TAFA4: variants seen among roughly 807,000 people sequenced by gnomAD.
TAFA4 encodes the protein chemokine-like protein TAFA-4.
In TAFA4, 20 loss-of-function variants were observed where a neutral mutation model predicts 21.1. That is an observed-to-expected ratio of 0.95 (90% CI 0.67 to 1.38). The LOEUF (loss-of-function observed/expected upper bound fraction) is 1.38, where lower values mean the gene tolerates loss of function less well. TAFA4 is among the 40% of genes most tolerant of loss of function. The probability of loss-of-function intolerance (pLI) is 0.00; values close to 1 mark genes in which losing one functional copy is unlikely to be tolerated. For missense variants in TAFA4, 211 were observed against 180.9 expected (o/e 1.17, Z -0.95); for synonymous variants, 71 against 67.4 (o/e 1.05, Z -0.26).
intron 3 of TAFA4, among the ~76,000 whole-genome samples, chr3:68,800,689 C>G (rs1703559030): frequency 6.6e-6 from 1 of 152,200 alleles, no homozygotes; most frequent in East Asian, 1.9e-4. Flanking sequence ...CAGGGACTGG[C>G]ACCAGAATGG....
chr3:68,783,701 G>GAAAA (rs1469897938), intron 3 of TAFA4, among the ~76,000 whole-genome samples: 1,388 of 95,724 alleles, frequency 0.015, 14 homozygotes, highest in East Asian at 0.061. Flanking sequence ...GAGAGAGAGA[G>GAAAA]AGAGAGAAAG....
intron 3 of TAFA4, among the ~76,000 whole-genome samples, chr3:68,828,166 T>C (rs145400072): frequency 1.4e-3 from 220 of 152,340 alleles, no homozygotes; most frequent in African/African-American, 4.8e-3. Context: ...TTGTCAGGTT[T>C]GTCAAAGATC....
chr3:68,855,585 C>T (rs1705051602), intron 3 of TAFA4, among the ~76,000 whole-genome samples: 2 of 151,810 alleles, frequency 1.3e-5, no homozygotes, highest in African/African-American at 2.4e-5. Context: ...CGTTTGATCC[C>T]TAAGACAAAC....
intron 3 of TAFA4, among the ~76,000 whole-genome samples, chr3:68,828,553 T>C (rs981805834): frequency 2.6e-5 from 4 of 152,182 alleles, no homozygotes; most frequent in African/African-American, 4.8e-5. Flanking sequence ...TTTATTTCAT[T>C]GAGCAATGGT....
chr3:68,845,714 G>C (rs1412298859), intron 3 of TAFA4, among the ~76,000 whole-genome samples: 1 of 152,178 alleles, frequency 6.6e-6, no homozygotes, highest in Non-Finnish European at 1.5e-5. Context: ...GGCTGGCCTG[G>C]TGGTGATAAA....
intron 3 of TAFA4, among the ~76,000 whole-genome samples, chr3:68,791,675 AACCAT>A (rs1264337907): frequency 3.9e-5 from 6 of 152,230 alleles, no homozygotes; most frequent in African/African-American, 1.4e-4. Flanking sequence ...CCAAGAAATA[AACCAT>A]ACTGTGCCTC....
chr3:68,813,123 C>T (rs1703879234), intron 3 of TAFA4, among the ~76,000 whole-genome samples: 1 of 151,934 alleles, frequency 6.6e-6, no homozygotes, highest in Middle Eastern at 3.2e-3. Flanking sequence ...TTCTTTGAAA[C>T]CGACGAGAAC....
chr3:68,787,256 G>T (rs1254949840), intron 3 of TAFA4, among the ~76,000 whole-genome samples: 1 of 152,140 alleles, frequency 6.6e-6, no homozygotes, highest in Non-Finnish European at 1.5e-5. Context: ...GTATTCAGCG[G>T]AGACTGAAAT....
chr3:68,916,714 C>T (rs2090007885), intron 1 of TAFA4, among the ~76,000 whole-genome samples: 1 of 152,218 alleles, frequency 6.6e-6, no homozygotes, highest in African/African-American at 2.4e-5. Flanking sequence ...ACCAGGGCCT[C>T]AGGCAGCTTC....
At chr3:68,744,534 C>G (rs776972862) in intron 4 of TAFA4, among the ~76,000 whole-genome samples, 2 of 152,126 alleles carry the variant, frequency 1.3e-5, no homozygotes, top group African/African-American at 4.8e-5. Flanking sequence ...AAATTCCCTG[C>G]AGAGAAAAAC....
intron 4 of TAFA4, among the ~76,000 whole-genome samples, chr3:68,744,204 G>C (rs1018645649): frequency 6.6e-6 from 1 of 152,168 alleles, no homozygotes; most frequent in Non-Finnish European, 1.5e-5. Flanking sequence ...TTGACAGGTG[G>C]CCAGAGGTCC....
intron 1 of TAFA4, among the ~76,000 whole-genome samples, chr3:68,905,976 G>A (rs2089896952): frequency 6.6e-6 from 1 of 152,218 alleles, no homozygotes; most frequent in African/African-American, 2.4e-5. Context: ...CTAAACCGAA[G>A]TGAAAATCCC....
chr3:68,874,618 C>CT (rs779396782), intron 3 of TAFA4, among the ~76,000 whole-genome samples: 1 of 152,092 alleles, frequency 6.6e-6, no homozygotes, highest in East Asian at 1.9e-4. Flanking sequence ...TAAGGAGAAT[C>CT]TTTTCCCAAA....
chr3:68,843,126 G>A (rs1318326308), intron 3 of TAFA4, among the ~76,000 whole-genome samples: 1 of 152,182 alleles, frequency 6.6e-6, no homozygotes, highest in Non-Finnish European at 1.5e-5. Flanking sequence ...ACTTTGGGCA[G>A]TATGGCCATT....
intron 4 of TAFA4, among the ~76,000 whole-genome samples, chr3:68,747,672 A>ATC (rs1206209320): frequency 6.6e-6 from 1 of 152,112 alleles, no homozygotes; most frequent in Non-Finnish European, 1.5e-5. Context: ...ATCCTGACTG[A>ATC]TTGTGAGCTC....
chr3:68,870,908 A>G (rs1307517542), intron 3 of TAFA4, among the ~76,000 whole-genome samples: 2 of 152,296 alleles, frequency 1.3e-5, no homozygotes, highest in Non-Finnish European at 2.9e-5. Flanking sequence ...TGCAAAGGAC[A>G]TGAACTCATT....
Position 68,732,177 on chromosome 3 carries a change from G to T in TAFA4, c.*965C>A, listed in dbSNP as rs1005320156. ...ACTCAGATTTTAAAGAAATAAGATG[G>T]CTAACACAGAAGTCACAGAAGTAGG... On this transcript the variant is annotated 3_prime_UTR_variant, in exon 6 of 6. Transcript: ENST00000295569. 1 of 152,468 alleles carries T rather than the reference G, an allele frequency of 6.6e-6. No individual in the cohort carries two copies. The highest frequency in any genetic ancestry group is 1.5e-5 in the Non-Finnish European group (1 of 68,000). 9.4% of individuals were successfully genotyped at this position (152,468 alleles called of 1,614,324 possible).
intron 3 of TAFA4, among the ~76,000 whole-genome samples, chr3:68,785,521 C>T (rs1402497573): frequency 1.3e-5 from 2 of 152,230 alleles, no homozygotes; most frequent in Non-Finnish European, 2.9e-5. Context: ...GGCCCAGGTG[C>T]TAAGCCCCTC....
rs561146201 is a variant in TAFA4, at chr3:68,771,602, G to A, written c.131-18584C>T. On this transcript the variant is annotated intron_variant, in intron 3 of 5. Transcript: ENST00000295569. ...CCCAACAAAAAAAGTTTAAAAATTC[G>A]TATTATCAAAAGTACCACCCCTCCA... Among the ~76,000 whole-genome samples, 9 of 152,226 alleles carry A rather than the reference G, an allele frequency of 5.9e-5. No homozygotes were observed. The South Asian group carries it at 8.3e-4, about 14-fold the overall frequency.
Sources: allele counts gnomAD v4.1 joint callset (sites outside exome capture counted in the v4.1 genomes callset), GRCh38; gene constraint gnomAD v4.1.1; transcripts MANE v1.5; gene names NCBI Gene and HGNC (gene_info 2026-07-23, HGNC 2026-07-21).